Variants in SYNRG observed in about 807,000 individuals in gnomAD.
SYNRG encodes the protein AP1 gamma subunit binding protein 1.
Under a neutral mutation model 130.9 loss-of-function variants are expected in SYNRG, and 37 were observed. That is an observed-to-expected ratio of 0.28 (90% CI 0.22 to 0.37). The LOEUF (loss-of-function observed/expected upper bound fraction) is 0.37, where lower values mean the gene tolerates loss of function less well. Among genes scored for constraint, SYNRG ranks in the 10% least tolerant of loss-of-function variants. The pLI, the probability that SYNRG is intolerant of heterozygous loss-of-function variation, is 1.00. For synonymous variants in SYNRG, 539 were observed against 568.1 expected (o/e 0.95, Z 0.73); for missense variants, 1,338 against 1,588.9 (o/e 0.84, Z 2.68).
At chr17:37,576,602 T>C (rs1164943434) in intron 7 of SYNRG, 184 bp from the exon 8 acceptor site, 1 of 504,332 alleles carries the variant, frequency 2.0e-6, no homozygotes, top group African/African-American at 1.9e-5. Context: ...TAAGCAACTC[T>C]TGTACGTTAA....
intron 19 of SYNRG, among the ~76,000 whole-genome samples, chr17:37,532,717 CTTGTT>C (rs1480878795): frequency 6.7e-6 from 1 of 149,252 alleles, no homozygotes; most frequent in Non-Finnish European, 1.5e-5. Flanking sequence ...AAAATGAAAC[CTTGTT>C]TTAATTTGAA....
intron 1 of SYNRG, among the ~76,000 whole-genome samples, chr17:37,601,451 A>G (rs1029021549): frequency 6.6e-6 from 1 of 152,220 alleles, no homozygotes; most frequent in South Asian, 2.1e-4. Context: ...TAACATATAC[A>G]TAACATAAAA....
At chr17:37,579,425 G>T in intron 6 of SYNRG, 1 of 1,303,422 alleles carries the variant, frequency 7.7e-7, no homozygotes, top group South Asian at 1.2e-5. Flanking sequence ...ATGAGATGAT[G>T]TGGGGCAATC....
chr17:37,571,945 C>G lies in SYNRG; in HGVS notation c.944G>C (p.Gly315Ala). 1 of 1,613,882 alleles carries G rather than the reference C, an allele frequency of 6.2e-7. No individual in the cohort carries two copies. Among genetic ancestry groups the G allele is most frequent in the Non-Finnish European group, 8.5e-7 (1 of 1,179,974 alleles). Residue 315 changes from glycine to alanine, a missense_variant, in exon 9 of 22, where the codon GGA (glycine) becomes GCA (alanine). By Grantham distance (60) the Gly-to-Ala change is moderately conservative. Transcript: ENST00000612223. ...GGGATACAGTTTGGCAGTATCTATT[C>G]CAGTTGGAGTCATTGTGGTTTCTAA... is the stretch of plus-strand genomic sequence containing the variant. ...KILETTMTPT[G>A]IDTAKLYPIL...
At chr17:37,541,278 C>T in intron 15 of SYNRG, 2 of 985,168 alleles carry the variant, frequency 2.0e-6, no homozygotes, top group Non-Finnish European at 2.4e-6. Context: ...GAGATTAAAG[C>T]AGAAGAGGCA....
rs1385903422 is a variant in SYNRG at position 37,518,211 on chromosome 17, G to A, written c.*729C>T. ...GCATGCGGCAGAACAGGTTTGCAGC[G>A]AAGGCTCCCGGGGGGAAGGATATTA... On this transcript the variant is annotated 3_prime_UTR_variant, in exon 22 of 22. Coordinates refer to ENST00000612223, the MANE Select transcript of SYNRG (RefSeq NM_007247.6). The A allele has an allele frequency of 6.6e-6, 1 of 152,210 alleles. No individual in the cohort carries two copies. Among genetic ancestry groups the A allele is most frequent in the Admixed American group, 6.5e-5 (1 of 15,278 alleles). The allele number at this position is 152,210 out of a possible 1,614,324, so 9.4% of individuals were successfully genotyped here. A position where few individuals can be genotyped will look rare whatever the true frequency, so the allele number is the denominator to read the frequency against.
intron 15 of SYNRG, 83 bp downstream of exon 15, chr17:37,541,889 G>C (rs761898692): frequency 3.9e-6 from 5 of 1,285,556 alleles, no homozygotes; most frequent in Non-Finnish European, 5.5e-6. Flanking sequence ...CGAAACCAGA[G>C]AGCAACATTT....
At chr17:37,591,244 T>C (rs1010537336) in intron 3 of SYNRG, among the ~76,000 whole-genome samples, 4 of 152,188 alleles carry the variant, frequency 2.6e-5, no homozygotes, top group South Asian at 2.1e-4. Context: ...AATCAAAATA[T>C]TTAGATGTAA....
intron 14 of SYNRG, among the ~76,000 whole-genome samples, chr17:37,550,661 A>C (rs1156355241): frequency 6.6e-6 from 1 of 151,868 alleles, no homozygotes; most frequent in Non-Finnish European, 1.5e-5. Flanking sequence ...CACACAGAAA[A>C]TGTCTAAATT....
chr17:37,609,258 C>T (rs773392745), intron 1 of SYNRG, 21 bp downstream of exon 1: 250 of 1,423,706 alleles, frequency 1.8e-4, no homozygotes, highest in Non-Finnish European at 2.2e-4. Flanking sequence ...AGCGGGCTCC[C>T]GCCCGGCTCT....
At chr17:37,581,756 AT>A (rs975022037) in intron 6 of SYNRG, among the ~76,000 whole-genome samples, 10 of 87,688 alleles carry the variant, frequency 1.1e-4, no homozygotes, top group African/African-American at 3.2e-4. Flanking sequence ...CTGGCCCCAC[AT>A]TTTTTTTCTT....
At chr17:37,565,995 C>T (rs71547301) in intron 11 of SYNRG, among the ~76,000 whole-genome samples, 5 of 150,570 alleles carry the variant, frequency 3.3e-5, no homozygotes, top group African/African-American at 7.4e-5. Flanking sequence ...CCAGCCGCCC[C>T]GTCCGGGAGG....
chr17:37,577,481 A>G lies in SYNRG; in HGVS notation c.722T>C (p.Leu241Ser). Residue 241 changes from leucine to serine, a missense_variant, in exon 7 of 22, where the codon TTA becomes TCA. By Grantham distance (145) the Leu-to-Ser change is moderately radical (BLOSUM62 -2). This residue lies in a region of SYNRG where 1,146 missense variants were observed against 1,342.3 expected (regional missense o/e 0.85). Coordinates refer to ENST00000612223, the MANE Select transcript of SYNRG (RefSeq NM_007247.6). ...GPGSSKKYPS[L>S]MASNGVAVDG... is the part of the protein sequence containing the mutation. ...TACAGCAACCCCGTTACTGGCCATT[A>G]AACTGGGATACTTCTTACTGGAACC... 1 of 1,614,064 alleles carries G rather than the reference A, an allele frequency of 6.2e-7. No homozygotes were observed. The highest frequency in any genetic ancestry group is 8.5e-7 in the Non-Finnish European group (1 of 1,180,012).
At chr17:37,581,581 T>TTTTGTA (rs2061343131) in intron 6 of SYNRG, among the ~76,000 whole-genome samples, 2 of 151,274 alleles carry the variant, frequency 1.3e-5, no homozygotes, top group African/African-American at 4.9e-5. Flanking sequence ...CCTTACCTTG[T>TTTTGTA]TTTGTTTTTG....
intron 19 of SYNRG, among the ~76,000 whole-genome samples, chr17:37,522,641 T>C (rs1194748958): frequency 4.7e-4 from 68 of 144,216 alleles, no homozygotes; most frequent in African/African-American, 1.7e-3. Flanking sequence ...CTAACACTTT[T>C]TTTTTTTTTT....
intron 15 of SYNRG, 100 bp downstream of exon 15, chr17:37,541,872 T>C: frequency 2.7e-6 from 3 of 1,129,984 alleles, no homozygotes; most frequent in African/African-American, 1.6e-5. Flanking sequence ...GAACAATCTA[T>C]TTCCTGCGAA....
At chr17:37,555,799 G>C (rs1370780687) in intron 13 of SYNRG, among the ~76,000 whole-genome samples, 2 of 152,044 alleles carry the variant, frequency 1.3e-5, no homozygotes, top group African/African-American at 4.8e-5. Context: ...CCAGCTACTC[G>C]GGAGGCTGAG....
At chr17:37,569,452 A>T (rs921596353) in intron 10 of SYNRG, among the ~76,000 whole-genome samples, 4 of 150,446 alleles carry the variant, frequency 2.7e-5, no homozygotes, top group African/African-American at 9.8e-5. Context: ...TTTGTAAAAT[A>T]GCTGAATGAT....
chr17:37,565,144 G>A (rs1181115923), intron 11 of SYNRG, among the ~76,000 whole-genome samples: 2 of 152,020 alleles, frequency 1.3e-5, no homozygotes, highest in African/African-American at 4.8e-5. Context: ...CGTGCCTGTA[G>A]TCCCAGCTAC....
Sources: gnomAD v4.1 joint callset for allele counts (sites outside exome capture counted in the v4.1 genomes callset) on GRCh38, gnomAD v4.1.1 for gene constraint, gnomAD v4.1.1 regional missense constraint, MANE v1.5 for transcripts, NCBI Gene and HGNC (gene_info 2026-07-23, HGNC 2026-07-21) for gene names.